The following RABGAP1L variants were observed in gnomAD, a reference collection of about 807,000 sequenced individuals.
RABGAP1L encodes RAB GTPase activating protein 1 like.
Under a neutral mutation model 137.7 loss-of-function variants are expected in RABGAP1L, and 63 were observed. The observed-to-expected ratio is 0.46, with a 90% CI of 0.37 to 0.56. The LOEUF (loss-of-function observed/expected upper bound fraction) is 0.56. Ranked by LOEUF, RABGAP1L falls within the 20% of genes least tolerant of loss-of-function variation. RABGAP1L has a pLI of 0.00. For synonymous variants in RABGAP1L, 431 were observed against 433.7 expected, an observed-to-expected ratio of 0.99 and a Z score of 0.08; for missense variants, 1,095 against 1,244.0, an observed-to-expected ratio of 0.88 and a Z score of 1.80.
intron 13 of RABGAP1L, chr1:174,547,791 C>T (rs775122490): frequency 7.6e-4 from 1,089 of 1,432,820 alleles, no homozygotes; most frequent in Non-Finnish European, 9.8e-4. Context: ...AGTTTATTAC[C>T]TATTACATAG....
intron 12 of RABGAP1L, 92 bp from the exon 13 acceptor site, chr1:174,393,903 A>C: frequency 5.0e-6 from 7 of 1,408,230 alleles, no homozygotes; most frequent in Non-Finnish European, 6.7e-6. Flanking sequence ...ACCCAAGCTT[A>C]CACTTTTATA....
intron 10 of RABGAP1L, 117 bp from the exon 11 acceptor site, chr1:174,304,843 TTTTCAGAACCTCAGACATGCTGTAGA>T: frequency 1.4e-6 from 1 of 697,274 alleles, no homozygotes; most frequent in South Asian, 2.6e-5. Context: ...ACCTTAAAAG[TTTTCAGAACCTCAGACATGCTGTAGA>T]TCAAACACAA....
intron 13 of RABGAP1L, among the ~76,000 whole-genome samples, chr1:174,612,335 T>C (rs1671332416): frequency 6.6e-6 from 1 of 152,220 alleles, no homozygotes; most frequent in Non-Finnish European, 1.5e-5. Context: ...TATCTTTGGT[T>C]CTGTTTATAT....
chr1:174,853,431 A>G (rs1360054416), intron 19 of RABGAP1L, among the ~76,000 whole-genome samples: 1 of 152,164 alleles, frequency 6.6e-6, no homozygotes, highest in Non-Finnish European at 1.5e-5. Flanking sequence ...CCTAGGTCTC[A>G]TTTCAAAGGC....
chr1:174,952,423 A>G (rs1667865735), intron 19 of RABGAP1L, among the ~76,000 whole-genome samples: 1 of 145,356 alleles, frequency 6.9e-6, no homozygotes, highest in Non-Finnish European at 1.5e-5. Flanking sequence ...AGGTGGGAGG[A>G]TCACCTGAGT....
intron 19 of RABGAP1L, among the ~76,000 whole-genome samples, chr1:174,839,758 T>C (rs957985359): frequency 5.9e-5 from 9 of 152,240 alleles, no homozygotes; most frequent in African/African-American, 2.2e-4. Flanking sequence ...GCTCTGTATA[T>C]AATAGGTGAA....
intron 17 of RABGAP1L, among the ~76,000 whole-genome samples, chr1:174,725,866 T>C (rs1681938046): frequency 6.6e-6 from 1 of 152,056 alleles, no homozygotes; most frequent in Admixed American, 6.6e-5. Context: ...CTGGGAGATA[T>C]ACCTAATGCT....
At chr1:174,195,536 G>A (rs1667509572) in intron 1 of RABGAP1L, among the ~76,000 whole-genome samples, 1 of 151,692 alleles carries the variant, frequency 6.6e-6, no homozygotes, top group Non-Finnish European at 1.5e-5. Context: ...TCCAATTCCT[G>A]TTATGATACT....
chr1:174,451,057 A>T (rs1268117880), intron 13 of RABGAP1L, among the ~76,000 whole-genome samples: 3 of 152,220 alleles, frequency 2.0e-5, no homozygotes, highest in African/African-American at 7.2e-5. Context: ...GCCTCAGTTT[A>T]ATAAAACACT....
chr1:174,341,379 A>G (rs956463947), intron 11 of RABGAP1L, among the ~76,000 whole-genome samples: 1 of 152,214 alleles, frequency 6.6e-6, no homozygotes, highest in South Asian at 2.1e-4. Flanking sequence ...AATTTATCTT[A>G]GAGACATTGG....
At chr1:174,560,361 T>G (rs1167567563) in intron 13 of RABGAP1L, among the ~76,000 whole-genome samples, 1 of 152,152 alleles carries the variant, frequency 6.6e-6, no homozygotes, top group Non-Finnish European at 1.5e-5. Flanking sequence ...ATCAAAGTTA[T>G]GCAACTGGTG....
intron 13 of RABGAP1L, among the ~76,000 whole-genome samples, chr1:174,578,553 A>G (rs940154570): frequency 2.0e-5 from 3 of 152,170 alleles, no homozygotes; most frequent in African/African-American, 7.2e-5. Context: ...ATTACTTACA[A>G]TATGACTTTG....
intron 19 of RABGAP1L, among the ~76,000 whole-genome samples, chr1:174,880,256 A>T (rs1490200981): frequency 6.6e-6 from 1 of 152,144 alleles, no homozygotes; most frequent in Non-Finnish European, 1.5e-5. Context: ...TCAGGATAGG[A>T]TAATCCACGG....
intron 1 of RABGAP1L, among the ~76,000 whole-genome samples, chr1:174,211,665 A>C (rs1668894958): frequency 6.6e-6 from 1 of 152,136 alleles, no homozygotes; most frequent in South Asian, 2.1e-4. Flanking sequence ...AAACTCTCCA[A>C]TGAAAGGATA....
At chr1:174,449,174 C>A (rs148373977) in intron 13 of RABGAP1L, 2 of 1,601,774 alleles carry the variant, frequency 1.2e-6, no homozygotes, top group Non-Finnish European at 1.7e-6. Flanking sequence ...ACCTAGGAAA[C>A]GGGCTAATTC....
At position 174,769,946 on chromosome 1, in the gene RABGAP1L, CT is replaced by C. The variant is rs1685986926; in HGVS notation, c.2211+17594del. ...GATGTACCAACTTGGGTTAAAAGTT[CT>C]TGTTTCTGTGTTTGAAGATAGTGAC... On this transcript the variant is annotated intron_variant, in intron 18 of 25. Transcript: ENST00000681986. 2.6e-5 allele frequency among the ~76,000 whole-genome samples: 4 copies of C among 152,248 alleles called. No homozygotes were observed. In the South Asian group the frequency reaches 8.3e-4, roughly 32 times the overall value.
At chr1:174,216,809 G>A (rs1054210788) in intron 1 of RABGAP1L, among the ~76,000 whole-genome samples, 6 of 152,206 alleles carry the variant, frequency 3.9e-5, no homozygotes, top group Middle Eastern at 3.4e-3. Flanking sequence ...GGGGGCAAGG[G>A]TGTATTGGGC....
At chr1:174,547,988 T>C in intron 13 of RABGAP1L, 1 of 1,550,556 alleles carries the variant, frequency 6.4e-7, no homozygotes, top group Non-Finnish European at 8.7e-7. Flanking sequence ...TTTAGTTCCT[T>C]TCCTGAGCCT....
chr1:174,659,776 A>G (rs1427225446), intron 14 of RABGAP1L, among the ~76,000 whole-genome samples: 1 of 152,226 alleles, frequency 6.6e-6, no homozygotes, highest in Non-Finnish European at 1.5e-5. Context: ...GTAAAACAGA[A>G]TGTTTGATCT....
Sources: allele counts gnomAD v4.1 joint callset (sites outside exome capture counted in the v4.1 genomes callset), GRCh38; gene constraint gnomAD v4.1.1; transcripts MANE v1.5; gene names NCBI Gene and HGNC (gene_info 2026-07-23, HGNC 2026-07-21).